Variants in CEP85L observed in about 807,000 individuals in gnomAD.
CEP85L encodes centrosomal protein 85L.
A neutral mutation model predicts 100.3 loss-of-function variants in CEP85L; 60 were observed. That is an observed-to-expected ratio of 0.60 (90% CI 0.49 to 0.74). CEP85L has a LOEUF of 0.74. Ranked by LOEUF, CEP85L falls within the 30% of genes least tolerant of loss-of-function variation. The probability of loss-of-function intolerance (pLI) is 0.00; values close to 1 mark genes in which losing one functional copy is unlikely to be tolerated. For synonymous variants in CEP85L, 319 were observed against 322.7 expected (o/e 0.99, Z 0.12); for missense variants, 973 against 936.2 (o/e 1.04, Z -0.51).
Position 118,470,605 on chromosome 6 carries a change from G to C in CEP85L, c.1954C>G (p.Gln652Glu). ...TTTTCCAGCTCTTCCATCATCTTTT[G>C]AGTGGTCAGTTTCTCTTTAGAAAGC... The part of the protein sequence containing the change: ...GKLSKEKLTT[Q>E]KMMEELEKKE... The change falls in exon 11 of 13, where the codon CAA (glutamine) becomes GAA (glutamate). Residue 652 changes from glutamine (Q) to glutamate (E), a missense_variant. Transcript: ENST00000368491. 1 of 1,605,530 alleles carries C rather than the reference G, an allele frequency of 6.2e-7. No individual in the cohort carries two copies. The highest frequency in any genetic ancestry group is 1.1e-5 in the South Asian group (1 of 89,936).
In CEP85L at chr6:118,642,976, C is replaced by T. The variant is rs951413089; in HGVS notation, c.73+8221G>A. ...ATTTAGTTTTTGGTAAGTCCTTGTTCCTGTTTAAAAACTGGGAAAATAAGG... is the reference window on the plus strand; with the variant it reads ...ATTTAGTTTTTGGTAAGTCCTTGTTTCTGTTTAAAAACTGGGAAAATAAGG... On this transcript the variant is annotated intron_variant, in intron 1 of 12. Transcript: ENST00000368491. 2.0e-5 allele frequency among the ~76,000 whole-genome samples: 3 copies of T among 152,252 alleles called. No individual in the cohort carries two copies. In the East Asian group the frequency reaches 5.8e-4, roughly 29 times the overall value.
intron 2 of CEP85L, among the ~76,000 whole-genome samples, chr6:118,581,166 C>A (rs534157435): frequency 1.3e-5 from 2 of 152,210 alleles, no homozygotes; most frequent in South Asian, 2.1e-4. Context: ...TCTTCCATAG[C>A]CAAATTTTAG....
chr6:118,573,732 T>A (rs1013264901), intron 2 of CEP85L, among the ~76,000 whole-genome samples: 5 of 152,158 alleles, frequency 3.3e-5, no homozygotes, highest in African/African-American at 1.2e-4. Context: ...TATATTATAA[T>A]TTCTATATTA....
At chr6:118,677,266 G>A (rs1252990741) in intron 1 of CEP85L, among the ~76,000 whole-genome samples, 2 of 152,118 alleles carry the variant, frequency 1.3e-5, no homozygotes, top group Non-Finnish European at 2.9e-5. Flanking sequence ...TAGAAAGTAA[G>A]GCAAGAAAGC....
intron 1 of CEP85L, among the ~76,000 whole-genome samples, chr6:118,687,312 G>T (rs1776868629): frequency 6.6e-6 from 1 of 152,014 alleles, no homozygotes; most frequent in Non-Finnish European, 1.5e-5. Flanking sequence ...TGCAACCTCC[G>T]CCTCCCAGGT....
intron 2 of CEP85L, among the ~76,000 whole-genome samples, chr6:118,574,404 C>T (rs557202885): frequency 5.3e-5 from 8 of 152,334 alleles, no homozygotes; most frequent in East Asian, 1.9e-4. Flanking sequence ...TGTGCTCTTG[C>T]GATCGTTACT....
At chr6:118,693,761 T>G (rs1372253440) in intron 1 of CEP85L, among the ~76,000 whole-genome samples, 1 of 152,244 alleles carries the variant, frequency 6.6e-6, no homozygotes, top group Non-Finnish European at 1.5e-5. Flanking sequence ...ATTGGCATTA[T>G]GTGTTGGATA....
In CEP85L at chr6:118,464,190, A is replaced by T. The variant is rs981388463; in HGVS notation, c.*1215T>A. 2.0e-5 allele frequency: 3 copies of T among 152,208 alleles called. No homozygotes were observed. Among genetic ancestry groups the T allele is most frequent in the African/African-American group, 7.2e-5 (3 of 41,482 alleles). The allele number at this position is 152,208 out of a possible 1,614,324, so 9.4% of individuals were successfully genotyped here. On this transcript the variant is annotated 3_prime_UTR_variant, in exon 13 of 13. Coordinates refer to ENST00000368491, the MANE Select transcript of CEP85L (RefSeq NM_001042475.3). ...AGGCAATAAAATGTATAATCCTTCC[A>T]AAATACCAACAGAAACATGGACAAC...
At chr6:118,518,047 T>C (rs1776387684) in intron 4 of CEP85L, among the ~76,000 whole-genome samples, 3 of 152,236 alleles carry the variant, frequency 2.0e-5, no homozygotes, top group African/African-American at 4.8e-5. Flanking sequence ...GATATGCGTA[T>C]GTTGAACCAG....
intron 2 of CEP85L, among the ~76,000 whole-genome samples, chr6:118,617,981 T>G (rs191563737): frequency 4.9e-4 from 74 of 152,272 alleles, no homozygotes; most frequent in African/African-American, 1.7e-3. Flanking sequence ...AACACGAGTG[T>G]CAGCCTGGGA....
rs1359757637 is a variant in CEP85L at position 118,462,654 on chromosome 6, A to T, written c.*2751T>A. The T allele has an allele frequency of 6.6e-6, 1 of 152,002 alleles. No homozygotes were observed. Among genetic ancestry groups the T allele is most frequent in the African/African-American group, 2.4e-5 (1 of 41,446 alleles). The allele number at this position is 152,002 out of a possible 1,614,324, so 9.4% of individuals were successfully genotyped here. A position where few individuals can be genotyped will look rare whatever the true frequency, so the allele number is the denominator to read the frequency against. On this transcript the variant is annotated 3_prime_UTR_variant, in exon 13 of 13. Transcript: ENST00000368491. ...CACTTTAAAATTTAGGTTAATTTTC[A>T]TTTCAGGAATATATTGGTGTCATAA...
chr6:118,666,399 C>G (rs1227183792), intron 1 of CEP85L, among the ~76,000 whole-genome samples: 3 of 152,308 alleles, frequency 2.0e-5, no homozygotes, highest in South Asian at 2.1e-4. Context: ...AAAAAAGGGT[C>G]AGAGCCTGAA....
At chr6:118,663,241 T>C (rs1056342949) in intron 1 of CEP85L, among the ~76,000 whole-genome samples, 6 of 152,208 alleles carry the variant, frequency 3.9e-5, no homozygotes, top group Non-Finnish European at 8.8e-5. Flanking sequence ...GTTCAGTAAG[T>C]TTCCTTTTGG....
intron 3 of CEP85L, among the ~76,000 whole-genome samples, chr6:118,540,794 ATAAT>A (rs1254244781): frequency 7.5e-6 from 1 of 133,476 alleles, no homozygotes; most frequent in Non-Finnish European, 1.6e-5. Context: ...AAATAAATAA[ATAAT>A]GCTTTCTGAC....
chr6:118,547,652 C>T (rs993816643), intron 3 of CEP85L, among the ~76,000 whole-genome samples: 1 of 151,932 alleles, frequency 6.6e-6, no homozygotes, highest in African/African-American at 2.4e-5. Context: ...TATTACTATT[C>T]ACAAATATAT....
chr6:118,566,277 C>G lies in CEP85L; in HGVS notation c.272G>C (p.Ser91Thr). ...TSSGTLSFKP[S>T]QSLITLPTAH... ...AGTAGGAAGAGTAATCAATGATTGACTAGGCTTAAAAGATAATGTGCCACT... is the reference window on the plus strand; with the variant it reads ...AGTAGGAAGAGTAATCAATGATTGAGTAGGCTTAAAAGATAATGTGCCACT... The change falls in exon 3 of 13, where the codon AGT (serine) becomes ACT (threonine). Residue 91 changes from serine to threonine, a missense_variant. By Grantham distance (58) the Ser-to-Thr change is moderately conservative. Transcript: ENST00000368491. 1 of 1,613,880 alleles carries G rather than the reference C, an allele frequency of 6.2e-7. No homozygotes were observed. The highest frequency in any genetic ancestry group is 8.5e-7 in the Non-Finnish European group (1 of 1,179,956).
intron 4 of CEP85L, among the ~76,000 whole-genome samples, chr6:118,519,357 T>C (rs1776477185): frequency 2.0e-5 from 3 of 150,986 alleles, no homozygotes; most frequent in African/African-American, 7.3e-5. Flanking sequence ...AAGAACTGCA[T>C]GAACCCGGGA....
At chr6:118,523,182 T>C (rs1776764668) in intron 4 of CEP85L, among the ~76,000 whole-genome samples, 4 of 152,286 alleles carry the variant, frequency 2.6e-5, no homozygotes, top group Admixed American at 6.5e-5. Flanking sequence ...AAAGCATACA[T>C]AAATGATGTA....
intron 1 of CEP85L, among the ~76,000 whole-genome samples, chr6:118,644,931 T>C (rs953770753): frequency 6.6e-6 from 1 of 152,234 alleles, no homozygotes; most frequent in Non-Finnish European, 1.5e-5. Flanking sequence ...GGAATATCTG[T>C]TCCATGTCCC....
Sources: allele counts gnomAD v4.1 joint callset (sites outside exome capture counted in the v4.1 genomes callset), GRCh38; gene constraint gnomAD v4.1.1; transcripts MANE v1.5; gene names NCBI Gene and HGNC (gene_info 2026-07-23, HGNC 2026-07-21).